ZNF148: variants seen among roughly 807,000 people sequenced by gnomAD.
ZNF148 encodes the protein zinc finger protein 148.
In ZNF148, 7 loss-of-function variants were observed where a neutral mutation model predicts 67.7. That is an observed-to-expected ratio of 0.10 (90% CI 0.06 to 0.19). ZNF148 has a LOEUF of 0.19. Ranked by LOEUF, ZNF148 falls within the 10% of genes least tolerant of loss-of-function variation. ZNF148 has a pLI of 1.00. For synonymous variants in ZNF148, 333 were observed against 330.7 expected, an observed-to-expected ratio of 1.01 and a Z score of -0.08; for missense variants, 583 against 947.1, an observed-to-expected ratio of 0.62 and a Z score of 5.05.
chr3:125,313,799 A>G (rs1000785899), intron 3 of ZNF148, 143 bp from the exon 4 acceptor site: 2 of 668,248 alleles, frequency 3.0e-6, no homozygotes, highest in Non-Finnish European at 4.8e-6. Context: ...TTTTAAAATT[A>G]TAATACCAAT....
chr3:125,366,240 CAGAA>C (rs1427557004), intron 1 of ZNF148, among the ~76,000 whole-genome samples: 1 of 152,168 alleles, frequency 6.6e-6, no homozygotes, highest in Non-Finnish European at 1.5e-5. Context: ...AATGGAAACT[CAGAA>C]AGGAAATAAT....
intron 3 of ZNF148, among the ~76,000 whole-genome samples, chr3:125,318,433 A>C (rs1000577075): frequency 6.6e-6 from 1 of 152,204 alleles, no homozygotes; most frequent in Non-Finnish European, 1.5e-5. Flanking sequence ...GGGATACTAC[A>C]CAGAAGAGAG....
At chr3:125,328,777 C>T (rs886422867) in intron 2 of ZNF148, among the ~76,000 whole-genome samples, 1 of 151,824 alleles carries the variant, frequency 6.6e-6, no homozygotes, top group African/African-American at 2.4e-5. Context: ...GGAGAAAATC[C>T]TCAAACTCAC....
intron 1 of ZNF148, among the ~76,000 whole-genome samples, chr3:125,348,563 G>A (rs1942030922): frequency 6.8e-6 from 1 of 147,566 alleles, no homozygotes; most frequent in Non-Finnish European, 1.5e-5. Context: ...GCAAAGACTT[G>A]TATGCACTGA....
intron 1 of ZNF148, chr3:125,344,577 T>C: frequency 1.1e-6 from 1 of 900,470 alleles, no homozygotes. Flanking sequence ...CTCCACCATT[T>C]AATCCTTCTT....
intron 7 of ZNF148, among the ~76,000 whole-genome samples, chr3:125,246,718 A>T (rs1267898772): frequency 2.0e-5 from 3 of 152,234 alleles, no homozygotes; most frequent in Non-Finnish European, 4.4e-5. Flanking sequence ...CCATACTTAC[A>T]TATTGATTAT....
chr3:125,290,085 G>C (rs1938924663), intron 4 of ZNF148, among the ~76,000 whole-genome samples: 1 of 151,966 alleles, frequency 6.6e-6, no homozygotes, highest in African/African-American at 2.4e-5. Context: ...CTTCAGATTT[G>C]ACTAAACTCA....
At position 125,227,393 on chromosome 3, in the gene ZNF148, G is replaced by GA. The variant is rs1200652486; in HGVS notation, c.*4947dup. 6 of 152,526 alleles carry GA rather than the reference G, an allele frequency of 3.9e-5. No individual in the cohort carries two copies. Among genetic ancestry groups the GA allele is most frequent in the Admixed American group, 6.6e-5 (1 of 15,260 alleles). 9.4% of individuals were successfully genotyped at this position (152,526 alleles called of 1,614,324 possible). On this transcript the variant is annotated 3_prime_UTR_variant, in exon 9 of 9. Coordinates refer to ENST00000360647, the MANE Select transcript of ZNF148 (RefSeq NM_021964.3). ...GTTGAAATACAAAGAAGGCATAGGG[G>GA]ATCCCAGGAAAATAACACTATATAT...
intron 7 of ZNF148, among the ~76,000 whole-genome samples, chr3:125,262,991 T>C (rs1204350981): frequency 3.3e-5 from 5 of 152,244 alleles, no homozygotes; most frequent in African/African-American, 4.8e-5. Flanking sequence ...GTTCCACATG[T>C]ATTTTTTTTC....
At chr3:125,326,202 T>A (rs918765847) in intron 2 of ZNF148, among the ~76,000 whole-genome samples, 1 of 152,054 alleles carries the variant, frequency 6.6e-6, no homozygotes, top group South Asian at 2.1e-4. Context: ...CAGAAAGAAT[T>A]GAAGAGCATC....
chr3:125,239,395 T>C (rs1053301296), intron 7 of ZNF148, among the ~76,000 whole-genome samples: 1 of 152,144 alleles, frequency 6.6e-6, no homozygotes, highest in Non-Finnish European at 1.5e-5. Flanking sequence ...AAAGAAGATA[T>C]ACAAATGACC....
chr3:125,372,705 C>T (rs1189751766), intron 1 of ZNF148, among the ~76,000 whole-genome samples: 5 of 152,180 alleles, frequency 3.3e-5, no homozygotes, highest in African/African-American at 9.7e-5. Flanking sequence ...CAGTGGCTCA[C>T]GCCTGTAATC....
chr3:125,277,643 A>G (rs1249334058), intron 7 of ZNF148, 83 bp downstream of exon 7: 5 of 1,126,594 alleles, frequency 4.4e-6, no homozygotes, highest in Non-Finnish European at 6.5e-6. Flanking sequence ...AAATGGCAGC[A>G]AGTCACTGCC....
At chr3:125,328,021 G>C (rs1941103189) in intron 2 of ZNF148, among the ~76,000 whole-genome samples, 1 of 151,610 alleles carries the variant, frequency 6.6e-6, no homozygotes, top group Non-Finnish European at 1.5e-5. Context: ...TTGTCATTAT[G>C]AATGTATACC....
rs1007295366 is a variant in ZNF148, at chr3:125,226,756, A to G, written c.*5585T>C. ...AAACAAAAAACCTCCCAATTGTTTA[A>G]AAACAATTCTATTTGGAGAGCAAAA... On this transcript the variant is annotated 3_prime_UTR_variant, in exon 9 of 9. Coordinates refer to ENST00000360647, the MANE Select transcript of ZNF148 (RefSeq NM_021964.3). 1 of 152,632 alleles carries G rather than the reference A, an allele frequency of 6.6e-6. No individual in the cohort carries two copies. The highest frequency in any genetic ancestry group is 2.4e-5 in the African/African-American group (1 of 41,458). The allele number at this position is 152,632 out of a possible 1,614,324, so 9.5% of individuals were successfully genotyped here.
At chr3:125,275,409 G>C (rs996959896) in intron 7 of ZNF148, among the ~76,000 whole-genome samples, 2 of 152,090 alleles carry the variant, frequency 1.3e-5, no homozygotes, top group Non-Finnish European at 2.9e-5. Context: ...ACTCAAAAAG[G>C]CCCAAATATA....
intron 1 of ZNF148, among the ~76,000 whole-genome samples, chr3:125,366,950 T>C (rs1015052476): frequency 3.3e-5 from 5 of 152,248 alleles, no homozygotes; most frequent in Non-Finnish European, 5.9e-5. Context: ...TTTCTGCCTT[T>C]TAAATTCAGT....
At chr3:125,327,647 CCTGT>C (rs1358769690) in intron 2 of ZNF148, among the ~76,000 whole-genome samples, 1 of 151,968 alleles carries the variant, frequency 6.6e-6, no homozygotes, top group Non-Finnish European at 1.5e-5. Flanking sequence ...ACAGCAAGAC[CCTGT>C]CTTACAAACA....
rs1935855521 is a variant in ZNF148 at position 125,231,576 on chromosome 3, A to C, written c.*765T>G. 6.6e-6 allele frequency: 1 copy of C among 152,568 alleles called. No homozygotes were observed. The highest frequency in any genetic ancestry group is 6.5e-5 in the Admixed American group (1 of 15,270). The allele number at this position is 152,568 out of a possible 1,614,324, so 9.5% of individuals were successfully genotyped here. A position where few individuals can be genotyped will look rare whatever the true frequency, so the allele number is the denominator to read the frequency against. The stretch of plus-strand genomic sequence containing the variant: ...CCTTGATACCTGCACATGAAAAATC[A>C]TAAAAAATATCTAAGTACAACTGTA... On this transcript the variant is annotated 3_prime_UTR_variant, in exon 9 of 9. Transcript: ENST00000360647.
Sources: gnomAD v4.1 joint callset for allele counts (sites outside exome capture counted in the v4.1 genomes callset) on GRCh38, gnomAD v4.1.1 for gene constraint, MANE v1.5 for transcripts, NCBI Gene and HGNC (gene_info 2026-07-23, HGNC 2026-07-21) for gene names.